ANKRD55: variants seen among roughly 807,000 people sequenced by gnomAD.
ANKRD55 encodes ankyrin repeat domain 55.
In ANKRD55, 41 loss-of-function variants were observed where a neutral mutation model predicts 60.6. That is an observed-to-expected ratio of 0.68 (90% CI 0.53 to 0.88). The LOEUF is 0.88. ANKRD55 is among the 40% of genes least tolerant of loss of function. ANKRD55 has a pLI of 0.00. For missense variants in ANKRD55, 732 were observed against 767.6 expected (o/e 0.95, Z 0.55); for synonymous variants, 264 against 290.3 (o/e 0.91, Z 0.92).
At chr5:56,134,572 C>T (rs1410278658) in intron 7 of ANKRD55, among the ~76,000 whole-genome samples, 3 of 53,556 alleles carry the variant, frequency 5.6e-5, no homozygotes, top group African/African-American at 2.0e-4. Flanking sequence ...GAGTGAGAGA[C>T]TCTGTCTCAA....
chr5:56,122,266 T>C (rs1292129692), intron 8 of ANKRD55, among the ~76,000 whole-genome samples: 1 of 152,188 alleles, frequency 6.6e-6, no homozygotes, highest in Non-Finnish European at 1.5e-5. Flanking sequence ...GGAGGTGGCC[T>C]AAAGACGATT....
intron 6 of ANKRD55, among the ~76,000 whole-genome samples, chr5:56,150,310 T>C (rs77678980): frequency 0.01 from 1,579 of 152,286 alleles, 27 homozygotes; most frequent in African/African-American, 0.036. Context: ...ACTTCAACAA[T>C]TGTAGCAGTT....
At chr5:56,120,005 G>A (rs998377899) in intron 8 of ANKRD55, among the ~76,000 whole-genome samples, 2 of 151,338 alleles carry the variant, frequency 1.3e-5, no homozygotes, top group African/African-American at 4.9e-5. Context: ...CAATTTGACT[G>A]TTTTTGTAAT....
At chr5:56,231,653 GCACACACACA>G (rs34225686) in intron 2 of ANKRD55, among the ~76,000 whole-genome samples, 41,601 of 147,738 alleles carry the variant, frequency 0.28, 6,819 homozygotes, top group Middle Eastern at 0.4. Context: ...CTGAAGGCGC[GCACACACACA>G]CACACACACA....
rs756690823 is a variant in ANKRD55, at chr5:56,143,949, G to A, written c.484-20C>T. The A allele has an allele frequency of 4.3e-6, 7 of 1,613,354 alleles. No individual in the cohort carries two copies. On this transcript the variant is annotated intron_variant, in intron 6 of 11. Transcript: ENST00000341048. Reference sequence around the variant, plus strand: ...CATTCCCTGCAAAACAACAGTCAGAGAGGACAGAGATGAGCACAGGCTCCC... The same window carrying A: ...CATTCCCTGCAAAACAACAGTCAGAAAGGACAGAGATGAGCACAGGCTCCC...
chr5:56,192,116 CCT>C (rs59932527), intron 2 of ANKRD55, among the ~76,000 whole-genome samples: 40 of 149,894 alleles, frequency 2.7e-4, no homozygotes, highest in Middle Eastern at 3.5e-3. Flanking sequence ...TCCTATTGCT[CCT>C]CTCTCTCTCT....
intron 7 of ANKRD55, among the ~76,000 whole-genome samples, chr5:56,135,528 C>A (rs190579321): frequency 1.1e-3 from 170 of 151,874 alleles, no homozygotes; most frequent in African/African-American, 3.3e-3. Context: ...TGCCACCACA[C>A]CCTGCTAGTT....
Position 56,220,951 on chromosome 5 carries a change from AAGG to A in ANKRD55, c.58+11902_58+11904del, listed in dbSNP as rs375597698. On this transcript the variant is annotated intron_variant, in intron 2 of 11. Transcript: ENST00000341048. ...TCTTCTCCACTTTCTTGACCAAGAGAAGGAGAAGGCTAAGCACTTTCTCAAAGG... is the reference window on the plus strand; with the variant it reads ...TCTTCTCCACTTTCTTGACCAAGAGAAGAAGGCTAAGCACTTTCTCAAAGG... Among the ~76,000 whole-genome samples, 142 of 152,334 alleles carry A rather than the reference AAGG, an allele frequency of 9.3e-4. 3 individuals are homozygous for A. The Middle Eastern group carries it at 0.027, about 29-fold the overall frequency.
At chr5:56,121,236 G>A (rs181135916) in intron 8 of ANKRD55, among the ~76,000 whole-genome samples, 38 of 152,212 alleles carry the variant, frequency 2.5e-4, no homozygotes, top group East Asian at 1.9e-3. Context: ...TTTAAAAGAC[G>A]AGTTTAGGTT....
intron 2 of ANKRD55, among the ~76,000 whole-genome samples, chr5:56,194,100 G>A (rs1218180146): frequency 3.9e-5 from 6 of 152,006 alleles, no homozygotes; most frequent in Non-Finnish European, 7.4e-5. Flanking sequence ...GGTGGATCAC[G>A]AGGTCAGGAG....
chr5:56,137,150 AC>A, intron 7 of ANKRD55: 1 of 1,424,080 alleles, frequency 7.0e-7, no homozygotes, highest in South Asian at 1.1e-5. Flanking sequence ...AACAGTGTGT[AC>A]CATTGTGACG....
intron 8 of ANKRD55, among the ~76,000 whole-genome samples, chr5:56,121,133 A>G (rs891651133): frequency 1.3e-5 from 2 of 152,050 alleles, no homozygotes; most frequent in African/African-American, 2.4e-5. Context: ...AGGACAGAAG[A>G]CGAGGGGCCA....
chr5:56,102,143 T>C (rs942006777), intron 11 of ANKRD55, among the ~76,000 whole-genome samples: 2 of 152,084 alleles, frequency 1.3e-5, no homozygotes, highest in African/African-American at 2.4e-5. Context: ...TCCTAGCACT[T>C]TGGGAGGCCG....
chr5:56,222,829 G>C (rs1255675452), intron 2 of ANKRD55, among the ~76,000 whole-genome samples: 2 of 152,156 alleles, frequency 1.3e-5, no homozygotes, highest in Non-Finnish European at 2.9e-5. Context: ...AATGAACAAA[G>C]CCTCCAAGAA....
chr5:56,157,155 T>A (rs1758213030), intron 6 of ANKRD55, among the ~76,000 whole-genome samples: 1 of 152,234 alleles, frequency 6.6e-6, no homozygotes, highest in African/African-American at 2.4e-5. Flanking sequence ...CAGAAACATG[T>A]GCTGTGTCGA....
chr5:56,222,896 C>T (rs548723820), intron 2 of ANKRD55, among the ~76,000 whole-genome samples: 9 of 152,202 alleles, frequency 5.9e-5, no homozygotes, highest in African/African-American at 1.2e-4. Context: ...CTGAAAGTGA[C>T]GGGGAGAATG....
At chr5:56,227,617 C>CT (rs10567262) in intron 2 of ANKRD55, among the ~76,000 whole-genome samples, 12,595 of 147,916 alleles carry the variant, frequency 0.085, 672 homozygotes, top group Non-Finnish European at 0.13. Context: ...CCATTGATGT[C>CT]TTTTTTTTTT....
At chr5:56,130,513 C>G (rs892093851) in intron 7 of ANKRD55, among the ~76,000 whole-genome samples, 4 of 152,180 alleles carry the variant, frequency 2.6e-5, no homozygotes, top group African/African-American at 9.7e-5. Flanking sequence ...CTCTTCCCCC[C>G]ATACTTCACC....
chr5:56,105,085 CT>C lies in ANKRD55; in HGVS notation c.1631-2500del, dbSNP rs755695417. 3.3e-3 allele frequency among the ~76,000 whole-genome samples: 403 copies of C among 123,324 alleles called. 2 individuals are homozygous for C. The highest frequency in any genetic ancestry group is 0.022 in the Middle Eastern group (5 of 228). 80.9% of individuals were successfully genotyped at this position (123,324 alleles called of 152,430 possible). Reference sequence around the variant, plus strand: ...TGTAGGTCAGCAAGGTGGAGCTATTCTTTTTTTTTTTTTTTTTTGGAGACAG... The same window carrying C: ...TGTAGGTCAGCAAGGTGGAGCTATTCTTTTTTTTTTTTTTTTTGGAGACAG... On this transcript the variant is annotated intron_variant, in intron 10 of 11. Coordinates refer to ENST00000341048, the MANE Select transcript of ANKRD55 (RefSeq NM_024669.3).
Sources: allele counts gnomAD v4.1 joint callset (sites outside exome capture counted in the v4.1 genomes callset), GRCh38; gene constraint gnomAD v4.1.1; transcripts MANE v1.5; gene names NCBI Gene and HGNC (gene_info 2026-07-23, HGNC 2026-07-21).